TRPC6: variants seen among roughly 807,000 people sequenced by gnomAD.
TRPC6 encodes short transient receptor potential channel 6.
A neutral mutation model predicts 90.7 loss-of-function variants in TRPC6; 55 were observed. The ratio of observed to expected loss-of-function variants is 0.61; its 90% CI spans 0.49 to 0.76. The LOEUF (loss-of-function observed/expected upper bound fraction) is 0.76, where lower values mean the gene tolerates loss of function less well. Ranked by LOEUF, TRPC6 falls within the 30% of genes least tolerant of loss-of-function variation. The pLI, the probability that TRPC6 is intolerant of heterozygous loss-of-function variation, is 0.00. For synonymous variants in TRPC6, 393 were observed against 393.0 expected (o/e 1.00, Z 0.00); for missense variants, 989 against 1,122.7 (o/e 0.88, Z 1.70).
At chr11:101,551,673 T>C (rs936057563) in intron 1 of TRPC6, among the ~76,000 whole-genome samples, 1 of 151,966 alleles carries the variant, frequency 6.6e-6, no homozygotes, top group Non-Finnish European at 1.5e-5. Context: ...ATTCAAAAAC[T>C]TTCCTAAAAT....
chr11:101,551,504 T>C (rs1204070479), intron 1 of TRPC6, among the ~76,000 whole-genome samples: 1 of 143,952 alleles, frequency 6.9e-6, no homozygotes, highest in Non-Finnish European at 1.5e-5. Flanking sequence ...AGAAATAACA[T>C]TCTTTAGAAA....
chr11:101,560,721 G>T (rs181268666), intron 1 of TRPC6, among the ~76,000 whole-genome samples: 1 of 152,206 alleles, frequency 6.6e-6, no homozygotes, highest in South Asian at 2.1e-4. Flanking sequence ...GAGTGCAGAG[G>T]AAAATTCAGG....
At chr11:101,453,178 G>C in intron 12 of TRPC6, 72 bp from the exon 13 acceptor site, 1 of 1,397,676 alleles carries the variant, frequency 7.2e-7, no homozygotes, top group Non-Finnish European at 1.0e-6. Flanking sequence ...TGTGGGACAG[G>C]AGGAAATCAG....
chr11:101,504,717 T>G lies in TRPC6; in HGVS notation c.252A>C (p.Pro84=). The G allele has an allele frequency of 6.3e-7, 1 of 1,593,626 alleles. No individual in the cohort carries two copies. Among genetic ancestry groups the G allele is most frequent in the Non-Finnish European group, 8.6e-7 (1 of 1,168,936 alleles). Residue 84 remains proline, a synonymous_variant, in exon 2 of 13, where the codon CCA becomes CCC. Transcript: ENST00000344327. ...EKGRRLANRG[P]AYMFSDRSTS... The stretch of plus-strand genomic sequence containing the variant: ...TGGAGCGATCACTAAACATGTATGC[T>G]GGTCCTCGATTAGCTAACCTTCTCC...
chr11:101,476,388 T>G lies in TRPC6; in HGVS notation c.1657A>C (p.Lys553Gln). Residue 553 changes from lysine (K) to glutamine (Q), a missense_variant, in exon 6 of 13, where the codon AAA (lysine) becomes CAA (glutamine). Physicochemically the swap from Lys to Gln is moderately conservative, Grantham distance 53. This residue lies in a region of TRPC6 where 486 missense variants were observed against 591.9 expected (regional missense o/e 0.82). Transcript: ENST00000344327. ...ARFMAFWHAS[K>Q]AQSIIDANDT... ...TTTGCGTCAATGATGCTCTGGGCTTTGGAAGCATGCCAAAATGCCATGAAT... is the reference window on the plus strand; with the variant it reads ...TTTGCGTCAATGATGCTCTGGGCTTGGGAAGCATGCCAAAATGCCATGAAT... The G allele has an allele frequency of 6.2e-7, 1 of 1,614,116 alleles. No individual in the cohort carries two copies. Among genetic ancestry groups the G allele is most frequent in the Non-Finnish European group, 8.5e-7 (1 of 1,180,000 alleles).
chr11:101,467,109 G>C (rs866161759), intron 10 of TRPC6, among the ~76,000 whole-genome samples: 1 of 152,310 alleles, frequency 6.6e-6, no homozygotes, highest in East Asian at 1.9e-4. Context: ...TGCCTTCTGC[G>C]TCGATCTTGC....
intron 1 of TRPC6, among the ~76,000 whole-genome samples, chr11:101,539,435 A>C (rs1861124155): frequency 6.6e-6 from 1 of 152,220 alleles, no homozygotes; most frequent in African/African-American, 2.4e-5. Flanking sequence ...CTCAGACGCC[A>C]CACTGAGCTT....
intron 1 of TRPC6, among the ~76,000 whole-genome samples, chr11:101,536,966 C>A (rs946419216): frequency 6.6e-5 from 10 of 152,120 alleles, no homozygotes; most frequent in Non-Finnish European, 1.2e-4. Context: ...TTTGAGAAAT[C>A]TTGGAAAGGT....
chr11:101,517,856 T>C (rs75782833), intron 1 of TRPC6, among the ~76,000 whole-genome samples: 1,745 of 152,302 alleles, frequency 0.011, 18 homozygotes, highest in Non-Finnish European at 0.018. Flanking sequence ...ACAAATGTTA[T>C]TGAAAGGAAA....
chr11:101,466,440 G>T (rs1859147588), intron 10 of TRPC6, among the ~76,000 whole-genome samples: 1 of 152,226 alleles, frequency 6.6e-6, no homozygotes, highest in Non-Finnish European at 1.5e-5. Flanking sequence ...GGCCACAGTG[G>T]CCTTGCTGAG....
At chr11:101,480,883 T>C (rs1859536139) in intron 5 of TRPC6, among the ~76,000 whole-genome samples, 1 of 152,202 alleles carries the variant, frequency 6.6e-6, no homozygotes, top group African/African-American at 2.4e-5. Context: ...AAGTGAAATA[T>C]AATTTCTTTT....
At chr11:101,491,436 A>G (rs1859806196) in intron 3 of TRPC6, 120 bp downstream of exon 3, 1 of 1,264,752 alleles carries the variant, frequency 7.9e-7, no homozygotes, top group African/African-American at 1.5e-5. Context: ...TCCATCTCAA[A>G]AAAAAAAAAA....
chr11:101,522,522 T>C (rs1298542238), intron 1 of TRPC6, among the ~76,000 whole-genome samples: 3 of 152,230 alleles, frequency 2.0e-5, no homozygotes, highest in Non-Finnish European at 4.4e-5. Flanking sequence ...AGTCACCTTC[T>C]CACTAAGGCC....
chr11:101,535,681 T>C (rs1861029393), intron 1 of TRPC6, among the ~76,000 whole-genome samples: 1 of 152,198 alleles, frequency 6.6e-6, no homozygotes, highest in Non-Finnish European at 1.5e-5. Flanking sequence ...ATAAAAGCAC[T>C]ATTGATTAGG....
At chr11:101,540,755 T>C (rs1013567408) in intron 1 of TRPC6, among the ~76,000 whole-genome samples, 2 of 152,224 alleles carry the variant, frequency 1.3e-5, no homozygotes, top group South Asian at 2.1e-4. Context: ...TAAAGAAAGA[T>C]GAGTTAAAAA....
Position 101,583,514 on chromosome 11 carries a change from C to A in TRPC6, c.-11G>T, listed in dbSNP as rs982523662. 15 of 1,466,366 alleles carry A rather than the reference C, an allele frequency of 1.0e-5. No individual in the cohort carries two copies. In the Admixed American group the frequency reaches 3.3e-4, roughly 32 times the overall value. The allele number at this position is 1,466,366 out of a possible 1,614,324, so 90.8% of individuals were successfully genotyped here. ...CGGGCTCTGGCTCATGGCGGGAACG[C>A]CCGACTGGCCTGGGCCCCGCTCCCG... is the stretch of plus-strand genomic sequence containing the variant. On this transcript the variant is annotated 5_prime_UTR_variant, in exon 1 of 13. Coordinates refer to ENST00000344327, the MANE Select transcript of TRPC6 (RefSeq NM_004621.6).
chr11:101,453,591 C>T (rs961709999), intron 12 of TRPC6, 59 bp downstream of exon 12: 44 of 1,518,554 alleles, frequency 2.9e-5, no homozygotes, highest in Non-Finnish European at 3.7e-5. Flanking sequence ...AGGCACTCTG[C>T]GCTAGGCCCC....
At chr11:101,516,103 G>T (rs1860513416) in intron 1 of TRPC6, among the ~76,000 whole-genome samples, 1 of 100,494 alleles carries the variant, frequency 1.0e-5, no homozygotes, top group African/African-American at 4.5e-5. Context: ...TTAAAATGCA[G>T]CTGGGAAAAA....
At chr11:101,474,151 G>C (rs550682722) in intron 6 of TRPC6, among the ~76,000 whole-genome samples, 5 of 152,272 alleles carry the variant, frequency 3.3e-5, no homozygotes, top group African/African-American at 1.2e-4. Flanking sequence ...TAACTCTCTT[G>C]TCTTCGTGAG....
Sources: gnomAD v4.1 joint callset for allele counts (sites outside exome capture counted in the v4.1 genomes callset) on GRCh38, gnomAD v4.1.1 for gene constraint, gnomAD v4.1.1 regional missense constraint, MANE v1.5 for transcripts, NCBI Gene and HGNC (gene_info 2026-07-23, HGNC 2026-07-21) for gene names.